The following MCM8 variants were observed in gnomAD, a reference collection of about 807,000 sequenced individuals.
MCM8 encodes DNA helicase MCM8.
Under a neutral mutation model 98.9 loss-of-function variants are expected in MCM8, and 85 were observed. The observed-to-expected ratio is 0.86, with a 90% CI of 0.72 to 1.03. The LOEUF (loss-of-function observed/expected upper bound fraction) is 1.03, where lower values mean the gene tolerates loss of function less well. Ranked by LOEUF, MCM8 falls within the 50% of genes least tolerant of loss-of-function variation. MCM8 has a pLI of 0.00. For synonymous variants in MCM8, 352 were observed against 338.6 expected (o/e 1.04, Z -0.44); for missense variants, 951 against 997.8 (o/e 0.95, Z 0.63).
chr20:5,993,101 C>T (rs2089885453), intron 17 of MCM8, among the ~76,000 whole-genome samples: 1 of 152,092 alleles, frequency 6.6e-6, no homozygotes, highest in Admixed American at 6.6e-5. Context: ...ATTTTAAATA[C>T]CTTTTATTTA....
chr20:5,964,630 A>G (rs1192005416), intron 8 of MCM8: 1 of 152,166 alleles, frequency 6.6e-6, no homozygotes, highest in African/African-American at 2.4e-5. Context: ...CCTTCTCACT[A>G]CTGCACTTGA....
Position 5,993,587 on chromosome 20 carries a change from A to C in MCM8, c.2322A>C (p.Ser774=). The C allele has an allele frequency of 6.2e-7, 1 of 1,612,678 alleles. No homozygotes were observed. Among genetic ancestry groups the C allele is most frequent in the Admixed American group, 1.7e-5 (1 of 60,004 alleles). Residue 774 remains serine (S), a synonymous_variant, in exon 18 of 19, where the codon TCA becomes TCC. Transcript: ENST00000610722. Reference sequence around the variant, plus strand: ...ATGGTTCTGGAATGAGCAACAGGTCAACAGCGAAAAGATTTATTTCTGCTC... The same window carrying C: ...ATGGTTCTGGAATGAGCAACAGGTCCACAGCGAAAAGATTTATTTCTGCTC... The part of the protein sequence containing the change: ...SQHGSGMSNR[S]TAKRFISALN...
chr20:5,976,002 C>T (rs2089503918), intron 12 of MCM8, among the ~76,000 whole-genome samples: 1 of 151,956 alleles, frequency 6.6e-6, no homozygotes, highest in African/African-American at 2.4e-5. Flanking sequence ...GTAAGCCACA[C>T]TAAGCCAGGG....
At chr20:5,986,163 G>C in intron 16 of MCM8, 32 bp downstream of exon 16, 1 of 1,598,618 alleles carries the variant, frequency 6.3e-7, no homozygotes, top group South Asian at 1.1e-5. Context: ...TGCTTTTTTT[G>C]GCTTAAAGGG....
rs893220478 is a variant in MCM8, at chr20:5,985,906, T to C, written c.1954-16T>C. 2 of 1,613,224 alleles carry C rather than the reference T, an allele frequency of 1.2e-6. No homozygotes were observed. The highest frequency in any genetic ancestry group is 1.1e-5 in the South Asian group (1 of 91,038). ...TACTTATCCTTGTTATCTTGGGCCT[T>C]TTAATCATGCTTCAGGTGGTTCCTG... On this transcript the variant is annotated splice_polypyrimidine_tract_variant and intron_variant, in intron 15 of 18. Transcript: ENST00000610722.
chr20:5,977,815 G>A (rs1424187476), intron 12 of MCM8, 61 bp from the exon 13 acceptor site: 2 of 1,580,532 alleles, frequency 1.3e-6, no homozygotes, highest in East Asian at 2.2e-5. Context: ...GTGAGCAACT[G>A]CTGTTAGCTA....
intron 14 of MCM8, 27 bp from the exon 15 acceptor site, chr20:5,984,754 G>A: frequency 6.5e-7 from 1 of 1,548,984 alleles, no homozygotes; most frequent in East Asian, 2.3e-5. Context: ...TCCAATCATT[G>A]TTTCTTCTTT....
At chr20:5,989,118 G>GTTTTTT (rs1568599607) in intron 17 of MCM8, among the ~76,000 whole-genome samples, 1 of 94,420 alleles carries the variant, frequency 1.1e-5, no homozygotes, top group African/African-American at 9.2e-5. Flanking sequence ...AATAGCGCAA[G>GTTTTTT]TCTTTTTTTT....
rs759167214 is a variant in MCM8, at chr20:5,984,926, C to A, written c.1879C>A (p.Arg627Ser). 18 of 1,613,850 alleles carry A rather than the reference C, an allele frequency of 1.1e-5. No individual in the cohort carries two copies. The highest frequency in any genetic ancestry group is 4.4e-5 in the South Asian group (4 of 91,074). The stretch of plus-strand genomic sequence containing the variant: ...AACCATTAGCAGTGCCACAGTAGCT[C>A]GTATGAATAGTCAAGATTCAAATAC... ...QRTISSATVA[R>S]MNSQDSNTSV... Residue 627 changes from arginine (R) to serine (S), a missense_variant, in exon 15 of 19, where the codon CGT becomes AGT. Arg to Ser is a moderately radical substitution (Grantham distance 110, BLOSUM62 -1). Transcript: ENST00000610722.
chr20:5,967,463 G>C lies in MCM8; in HGVS notation c.903G>C (p.Gln301His). 6.2e-7 allele frequency: 1 copy of C among 1,613,962 alleles called. No homozygotes were observed. The highest frequency in any genetic ancestry group is 8.5e-7 in the Non-Finnish European group (1 of 1,179,922). ...TCCAGGAATTGATGTCTGATGATCA[G>C]AGAGAAGCAGGTCGGATTCCACGAA... ...IKIQELMSDDQREAGRIPRTI... is the reference protein window; with the variant it reads ...IKIQELMSDDHREAGRIPRTI... Residue 301 changes from glutamine (Q) to histidine (H), a missense_variant, in exon 9 of 19, where the codon CAG becomes CAC. By Grantham distance (24) the Gln-to-His change is conservative. Transcript: ENST00000610722.
At chr20:5,985,124 A>C in intron 15 of MCM8, 124 bp downstream of exon 15, 1 of 715,190 alleles carries the variant, frequency 1.4e-6, no homozygotes, top group Non-Finnish European at 2.3e-6. Flanking sequence ...ATATTTCCAT[A>C]CTAGAGTTTA....
intron 13 of MCM8, among the ~76,000 whole-genome samples, chr20:5,980,787 G>A (rs945519305): frequency 6.6e-6 from 1 of 150,978 alleles, no homozygotes; most frequent in Admixed American, 6.6e-5. Flanking sequence ...CACAAGAATC[G>A]CTTGAACCAA....
intron 9 of MCM8, 75 bp from the exon 10 acceptor site, chr20:5,967,755 G>T: frequency 7.2e-7 from 1 of 1,396,456 alleles, no homozygotes; most frequent in Non-Finnish European, 9.7e-7. Context: ...CTATGACTTT[G>T]TTTTATATTC....
chr20:5,984,783 T>G lies in MCM8; in HGVS notation c.1736T>G (p.Met579Arg). ...CTTCTTTCTTTCATCCTTCATAGAA[T>G]GGGGAGTGCACTACTATCCAGATTT... ...KAKTVSENLKMGSALLSRFDL... is the reference protein window; with the variant it reads ...KAKTVSENLKRGSALLSRFDL... The change falls in exon 15 of 19, where the codon ATG (methionine) becomes AGG (arginine). Residue 579 changes from methionine (M) to arginine (R), a missense_variant and splice_region_variant. Coordinates refer to ENST00000610722, the MANE Select transcript of MCM8 (RefSeq NM_032485.6). 1 of 1,605,218 alleles carries G rather than the reference T, an allele frequency of 6.2e-7. No homozygotes were observed. Among genetic ancestry groups the G allele is most frequent in the East Asian group, 2.2e-5 (1 of 44,802 alleles).
At chr20:5,982,946 T>C in intron 13 of MCM8, 24 bp from the exon 14 acceptor site, 1 of 1,571,180 alleles carries the variant, frequency 6.4e-7, no homozygotes, top group African/African-American at 1.4e-5. Flanking sequence ...ATGTTTTTTC[T>C]GCTTTATTCT....
At chr20:5,974,058 G>A (rs1270385058) in intron 12 of MCM8, among the ~76,000 whole-genome samples, 1 of 152,172 alleles carries the variant, frequency 6.6e-6, no homozygotes, top group Non-Finnish European at 1.5e-5. Context: ...TTTTATGATG[G>A]CTTTAGAAGG....
chr20:5,972,253 A>G (rs1443544785), intron 11 of MCM8, among the ~76,000 whole-genome samples: 1 of 151,258 alleles, frequency 6.6e-6, no homozygotes, highest in Non-Finnish European at 1.5e-5. Context: ...CACCCAGGCT[A>G]GAGTGTGATG....
In MCM8 at chr20:5,955,325, G is replaced by A. The variant is rs1600240586; in HGVS notation, c.486+74G>A. ...GCACACACATGCACACCTTGTCTAA[G>A]TTTAAAGGAAGATTTTACAGTGACT... On this transcript the variant is annotated intron_variant, in intron 5 of 18. Coordinates refer to ENST00000610722, the MANE Select transcript of MCM8 (RefSeq NM_032485.6). The A allele has an allele frequency of 6.5e-6, 9 of 1,382,170 alleles. No homozygotes were observed. In the East Asian group the frequency reaches 1.2e-4, roughly 18 times the overall value. 85.6% of individuals were successfully genotyped at this position (1,382,170 alleles called of 1,614,324 possible).
rs770032186 is a variant in MCM8, at chr20:5,993,608, T to C, written c.2343T>C (p.Ser781=). ...SNRSTAKRFI[S]ALNNVAERTY... ...GGTCAACAGCGAAAAGATTTATTTC[T>C]GCTCTCAACAACGTTGCTGAAAGAA... Residue 781 remains serine, a synonymous_variant, in exon 18 of 19, where the codon TCT becomes TCC. Transcript: ENST00000610722. The C allele has an allele frequency of 4.4e-5, 71 of 1,612,700 alleles. 1 individual carries two copies. The South Asian group carries it at 6.4e-4, about 15-fold the overall frequency.
Sources: allele counts gnomAD v4.1 joint callset (sites outside exome capture counted in the v4.1 genomes callset), GRCh38; gene constraint gnomAD v4.1.1; transcripts MANE v1.5; gene names NCBI Gene and HGNC (gene_info 2026-07-23, HGNC 2026-07-21).